Variants in PDGFD observed in about 807,000 individuals in gnomAD.
PDGFD encodes platelet-derived growth factor D.
A neutral mutation model predicts 44.7 loss-of-function variants in PDGFD; 30 were observed. That is an observed-to-expected ratio of 0.67 (90% CI 0.50 to 0.91). The LOEUF (loss-of-function observed/expected upper bound fraction) is 0.91, where lower values mean the gene tolerates loss of function less well. Among genes scored for constraint, PDGFD ranks in the 40% least tolerant of loss-of-function variants. The probability of loss-of-function intolerance (pLI) is 0.00; values close to 1 mark genes in which losing one functional copy is unlikely to be tolerated. For synonymous variants in PDGFD, 173 were observed against 168.4 expected (o/e 1.03, Z -0.21); for missense variants, 445 against 457.8 (o/e 0.97, Z 0.25).
At chr11:104,062,775 C>CA (rs1860734085) in intron 1 of PDGFD, among the ~76,000 whole-genome samples, 1 of 152,126 alleles carries the variant, frequency 6.6e-6, no homozygotes, top group Non-Finnish European at 1.5e-5. Context: ...GGGAAGAAAA[C>CA]AAAAATGCCT....
intron 1 of PDGFD, chr11:104,038,096 C>A: frequency 7.5e-7 from 1 of 1,341,366 alleles, no homozygotes; most frequent in Non-Finnish European, 1.0e-6. Context: ...GCAATGTAAT[C>A]ATTAAAAAAC....
At chr11:103,964,920 T>C (rs1323073460) in intron 3 of PDGFD, among the ~76,000 whole-genome samples, 1 of 151,734 alleles carries the variant, frequency 6.6e-6, no homozygotes, top group Non-Finnish European at 1.5e-5. Flanking sequence ...TTTCAGGTGA[T>C]ATTTATATTT....
At chr11:103,981,235 G>A (rs754240280) in intron 3 of PDGFD, among the ~76,000 whole-genome samples, 3 of 151,506 alleles carry the variant, frequency 2.0e-5, no homozygotes, top group Non-Finnish European at 2.9e-5. Flanking sequence ...CTCCCTTACC[G>A]TGTAATGCTC....
At chr11:104,113,481 T>G (rs1166899834) in intron 1 of PDGFD, among the ~76,000 whole-genome samples, 2 of 152,166 alleles carry the variant, frequency 1.3e-5, no homozygotes, top group African/African-American at 4.8e-5. Flanking sequence ...TTCCATTGTT[T>G]GGATAGCACA....
At chr11:103,915,189 T>C (rs1858100904) in intron 6 of PDGFD, among the ~76,000 whole-genome samples, 1 of 152,218 alleles carries the variant, frequency 6.6e-6, no homozygotes, top group Non-Finnish European at 1.5e-5. Flanking sequence ...TTTGTATATT[T>C]AGAAAACCCC....
At chr11:104,036,420 G>T (rs1303536267) in intron 1 of PDGFD, among the ~76,000 whole-genome samples, 1 of 151,902 alleles carries the variant, frequency 6.6e-6, no homozygotes, top group Non-Finnish European at 1.5e-5. Flanking sequence ...CTCCAGCCTG[G>T]GTGACAGGAT....
chr11:103,955,750 A>G (rs1164708981), intron 3 of PDGFD, among the ~76,000 whole-genome samples: 1 of 152,164 alleles, frequency 6.6e-6, no homozygotes, highest in African/African-American at 2.4e-5. Flanking sequence ...AGTTACAAGA[A>G]GCCCTGGATA....
At chr11:104,075,425 T>C (rs1471201932) in intron 1 of PDGFD, among the ~76,000 whole-genome samples, 1 of 152,058 alleles carries the variant, frequency 6.6e-6, no homozygotes, top group Non-Finnish European at 1.5e-5. Flanking sequence ...ACACATTTTC[T>C]CTTTCATATC....
intron 1 of PDGFD, among the ~76,000 whole-genome samples, chr11:104,087,911 G>T (rs938993106): frequency 6.6e-6 from 1 of 152,220 alleles, no homozygotes; most frequent in Non-Finnish European, 1.5e-5. Context: ...AACATACTCT[G>T]TGGCCAGTCA....
intron 1 of PDGFD, among the ~76,000 whole-genome samples, chr11:104,056,246 C>T (rs1203559701): frequency 6.6e-6 from 1 of 152,012 alleles, no homozygotes; most frequent in African/African-American, 2.4e-5. Flanking sequence ...TGATATAATA[C>T]TTAATATGGA....
chr11:104,113,232 T>C (rs937636009), intron 1 of PDGFD, among the ~76,000 whole-genome samples: 1 of 152,120 alleles, frequency 6.6e-6, no homozygotes, highest in South Asian at 2.1e-4. Context: ...AAACACATGA[T>C]TGAACACCTC....
intron 1 of PDGFD, among the ~76,000 whole-genome samples, chr11:104,155,053 G>A (rs1243778331): frequency 1.3e-5 from 2 of 152,124 alleles, no homozygotes; most frequent in Non-Finnish European, 2.9e-5. Flanking sequence ...AATCCAAAGC[G>A]CCAATAAAAT....
chr11:103,931,489 G>GAATC (rs1425272020), intron 5 of PDGFD, among the ~76,000 whole-genome samples: 3 of 152,226 alleles, frequency 2.0e-5, no homozygotes, highest in African/African-American at 7.2e-5. Context: ...TCTGATAGTA[G>GAATC]AATCACATGC....
At chr11:103,951,398 G>A (rs1192675160) in intron 3 of PDGFD, among the ~76,000 whole-genome samples, 1 of 152,154 alleles carries the variant, frequency 6.6e-6, no homozygotes, top group East Asian at 1.9e-4. Flanking sequence ...TTTCCCAACT[G>A]CCTGTTAGCT....
At chr11:104,022,214 A>G (rs1489912932) in intron 1 of PDGFD, among the ~76,000 whole-genome samples, 1 of 152,162 alleles carries the variant, frequency 6.6e-6, no homozygotes, top group Non-Finnish European at 1.5e-5. Context: ...GCTTTCTTAA[A>G]ATAGTTATGA....
chr11:104,018,979 G>A (rs1479873784), intron 1 of PDGFD, among the ~76,000 whole-genome samples: 4 of 152,124 alleles, frequency 2.6e-5, no homozygotes, highest in Non-Finnish European at 1.5e-5. Context: ...GCACTTCCCT[G>A]CCTTGGGACC....
At chr11:103,998,135 G>A (rs1166097756) in intron 2 of PDGFD, among the ~76,000 whole-genome samples, 2 of 152,176 alleles carry the variant, frequency 1.3e-5, no homozygotes, top group East Asian at 3.8e-4. Context: ...CTTTGTTCCT[G>A]GCACAGGCTC....
intron 6 of PDGFD, among the ~76,000 whole-genome samples, chr11:103,924,219 C>T (rs1025756619): frequency 6.6e-6 from 1 of 152,152 alleles, no homozygotes; most frequent in Non-Finnish European, 1.5e-5. Context: ...TAAAGCACTC[C>T]ACAAATACAT....
intron 6 of PDGFD, among the ~76,000 whole-genome samples, chr11:103,926,173 T>C (rs1246449219): frequency 6.6e-6 from 1 of 152,178 alleles, no homozygotes; most frequent in Non-Finnish European, 1.5e-5. Context: ...CTCTTAGGGC[T>C]CAGTTTACTC....
Sources: gnomAD v4.1 joint callset for allele counts (sites outside exome capture counted in the v4.1 genomes callset) on GRCh38, gnomAD v4.1.1 for gene constraint, MANE v1.5 for transcripts, NCBI Gene and HGNC (gene_info 2026-07-23, HGNC 2026-07-21) for gene names.